The following ATP9A variants were observed in gnomAD, a reference collection of about 807,000 sequenced individuals.
ATP9A encodes the protein probable phospholipid-transporting ATPase IIA.
Under a neutral mutation model 144.1 loss-of-function variants are expected in ATP9A, and 52 were observed. That is an observed-to-expected ratio of 0.36 (90% CI 0.29 to 0.45). The LOEUF is 0.45. ATP9A is among the 20% of genes least tolerant of loss of function. ATP9A has a pLI of 1.00. For missense variants in ATP9A, 947 were observed against 1,392.7 expected (o/e 0.68, Z 5.09); for synonymous variants, 582 against 557.4 (o/e 1.04, Z -0.62).
At chr20:51,641,676 A>T (rs6126277) in intron 14 of ATP9A, among the ~76,000 whole-genome samples, 1 of 149,256 alleles carries the variant, frequency 6.7e-6, no homozygotes. Context: ...TAAAAAAAAT[A>T]AAAAATAAGC....
chr20:51,763,195 T>G (rs778947180), intron 1 of ATP9A, among the ~76,000 whole-genome samples: 1 of 151,760 alleles, frequency 6.6e-6, no homozygotes, highest in Non-Finnish European at 1.5e-5. Context: ...AGGGCAGGGA[T>G]GAATTGCAGA....
At chr20:51,646,098 G>C (rs2077341274) in intron 14 of ATP9A, among the ~76,000 whole-genome samples, 1 of 152,188 alleles carries the variant, frequency 6.6e-6, no homozygotes, top group South Asian at 2.1e-4. Flanking sequence ...TTCTCCTTTG[G>C]GTGACAAGAA....
In ATP9A at chr20:51,754,056, TATAAC is replaced by T. The variant is rs571936708; in HGVS notation, c.68+14241_68+14245del. ...GATTAGACTTTTTCACTGCTCCCCT[TATAAC>T]ATAAACTATTCAAGAAGAGAGTGCC... On this transcript the variant is annotated intron_variant, in intron 1 of 27. Coordinates refer to ENST00000338821, the MANE Select transcript of ATP9A (RefSeq NM_006045.3). Among the ~76,000 whole-genome samples, 161 of 151,910 alleles carry T rather than the reference TATAAC, an allele frequency of 1.1e-3. 1 individual carries two copies. The highest frequency in any genetic ancestry group is 1.5e-3 in the Non-Finnish European group (103 of 67,980).
At chr20:51,656,852 C>T in intron 14 of ATP9A, 86 bp downstream of exon 14, 1 of 1,280,510 alleles carries the variant, frequency 7.8e-7, no homozygotes, top group Non-Finnish European at 1.1e-6. Flanking sequence ...TGCCCTGACA[C>T]ATTGCTTCCT....
chr20:51,712,482 A>G (rs545786939), intron 4 of ATP9A, among the ~76,000 whole-genome samples: 74 of 152,250 alleles, frequency 4.9e-4, no homozygotes, highest in Non-Finnish European at 7.8e-4. Flanking sequence ...AATTTCCAGG[A>G]TTTATAAAAT....
intron 3 of ATP9A, among the ~76,000 whole-genome samples, chr20:51,722,816 G>A (rs559871921): frequency 9.9e-5 from 15 of 152,266 alleles, no homozygotes; most frequent in African/African-American, 3.6e-4. Flanking sequence ...AACTACCATT[G>A]ATCCACCAAT....
At position 51,756,439 on chromosome 20, in the gene ATP9A, C is replaced by T. The variant is rs533630724; in HGVS notation, c.68+11863G>A. Among the ~76,000 whole-genome samples, 10 of 152,140 alleles carry T rather than the reference C, an allele frequency of 6.6e-5. No individual in the cohort carries two copies. In the South Asian group the frequency reaches 1.2e-3, roughly 19 times the overall value. ...CCTAGTAGCTGAGATTACAGGTGCA[C>T]GCCACCACACCTGGCTAATTTTTGT... On this transcript the variant is annotated intron_variant, in intron 1 of 27. Coordinates refer to ENST00000338821, the MANE Select transcript of ATP9A (RefSeq NM_006045.3).
At position 51,702,958 on chromosome 20, in the gene ATP9A, C is replaced by A. The variant is rs115176754; in HGVS notation, c.437-5476G>T. ...AGAAAATGCCCTCCTAACAGGCCTC[C>A]GGCAGGCACACTTCCCAAGCGCTCC... On this transcript the variant is annotated intron_variant, in intron 4 of 27. Transcript: ENST00000338821. Among the ~76,000 whole-genome samples, 304 of 151,614 alleles carry A rather than the reference C, an allele frequency of 2.0e-3. 3 individuals carry two copies. The highest frequency in any genetic ancestry group is 6.9e-3 in the African/African-American group (285 of 41,322).
intron 4 of ATP9A, among the ~76,000 whole-genome samples, chr20:51,710,454 A>G (rs1378515201): frequency 1.3e-5 from 2 of 152,220 alleles, no homozygotes; most frequent in East Asian, 3.8e-4. Context: ...TCGACAGGAA[A>G]GTCAAAAAAG....
chr20:51,752,421 G>T (rs1319198392), intron 1 of ATP9A, among the ~76,000 whole-genome samples: 1 of 152,212 alleles, frequency 6.6e-6, no homozygotes, highest in Non-Finnish European at 1.5e-5. Flanking sequence ...TCTCTCGCAC[G>T]TGTTGACCAC....
At chr20:51,729,304 C>T (rs1032961057) in intron 2 of ATP9A, among the ~76,000 whole-genome samples, 1 of 152,148 alleles carries the variant, frequency 6.6e-6, no homozygotes, top group African/African-American at 2.4e-5. Context: ...GGGGTCACAG[C>T]CTTGCAGAGA....
At chr20:51,668,382 G>GC (rs1342918904) in intron 13 of ATP9A, among the ~76,000 whole-genome samples, 2 of 151,880 alleles carry the variant, frequency 1.3e-5, no homozygotes, top group Non-Finnish European at 2.9e-5. Context: ...ATCCTTATGA[G>GC]CCACATGCAG....
intron 1 of ATP9A, among the ~76,000 whole-genome samples, chr20:51,767,368 G>A (rs2077909524): frequency 6.6e-6 from 1 of 152,162 alleles, no homozygotes; most frequent in South Asian, 2.1e-4. Context: ...CGGGGGCCGG[G>A]AAATCTGCAT....
chr20:51,667,639 C>A (rs1043488387), intron 13 of ATP9A, among the ~76,000 whole-genome samples: 2 of 152,208 alleles, frequency 1.3e-5, no homozygotes, highest in African/African-American at 4.8e-5. Context: ...CTGATGGTAC[C>A]GAGAGGCTCC....
intron 3 of ATP9A, among the ~76,000 whole-genome samples, chr20:51,716,421 A>AC (rs947173268): frequency 2.2e-4 from 34 of 151,308 alleles, no homozygotes; most frequent in African/African-American, 7.8e-4. Context: ...ACATAGGGAG[A>AC]CCCCATCTTT....
At chr20:51,703,606 T>C (rs1021960376) in intron 4 of ATP9A, among the ~76,000 whole-genome samples, 3 of 152,280 alleles carry the variant, frequency 2.0e-5, no homozygotes, top group East Asian at 1.9e-4. Context: ...AGCAAACCTA[T>C]TGAGCCCAAA....
In ATP9A at chr20:51,729,973, C is replaced by A; in HGVS notation, c.74G>T (p.Cys25Phe). ...TCCACCGCAGCATCTCAGCCACTCG[C>A]AGCACCTGTGGGAAAGAAACCCACG... ...RMDSRPRAGC[C>F]EWLRCCGGGE... Residue 25 changes from cysteine (C) to phenylalanine (F), a missense_variant, in exon 2 of 28, where the codon TGC becomes TTC. Physicochemically the swap from Cys to Phe is radical, Grantham distance 205. Transcript: ENST00000338821. 1.3e-6 allele frequency: 2 copies of A among 1,541,208 alleles called. No homozygotes were observed. The highest frequency in any genetic ancestry group is 1.7e-6 in the Non-Finnish European group (2 of 1,149,370).
In ATP9A at chr20:51,639,466, G is replaced by C; in HGVS notation, c.1545C>G (p.Thr515=). 1 of 1,613,392 alleles carries C rather than the reference G, an allele frequency of 6.2e-7. No individual in the cohort carries two copies. Among genetic ancestry groups the C allele is most frequent in the Non-Finnish European group, 8.5e-7 (1 of 1,179,612 alleles). Residue 515 remains threonine (T), a synonymous_variant, in exon 15 of 28, where the codon ACC becomes ACG. Transcript: ENST00000338821. Reference sequence around the variant, plus strand: ...TGGAAGACTGGTCTCGGCCCACCAGGGTTAAGCCCACACTTTCCGTCCACT... The same window carrying C: ...TGGAAGACTGGTCTCGGCCCACCAGCGTTAAGCCCACACTTTCCGTCCACT... ...LVQWTESVGL[T]LVGRDQSSMQ...
At position 51,699,900 on chromosome 20, in the gene ATP9A, C is replaced by G. The variant is rs144001644; in HGVS notation, c.437-2418G>C. On this transcript the variant is annotated intron_variant, in intron 4 of 27. Coordinates refer to ENST00000338821, the MANE Select transcript of ATP9A (RefSeq NM_006045.3). The stretch of plus-strand genomic sequence containing the variant: ...TCGTGATCCACCCGCCTCGGCCTCC[C>G]AAAGTGCTGGGATTACAGGCATGAG... 1.0e-2 allele frequency among the ~76,000 whole-genome samples: 1,521 copies of G among 152,264 alleles called. 35 individuals carry two copies. The highest frequency in any genetic ancestry group is 0.034 in the African/African-American group (1,432 of 41,540).
Sources: gnomAD v4.1 joint callset for allele counts (sites outside exome capture counted in the v4.1 genomes callset) on GRCh38, gnomAD v4.1.1 for gene constraint, MANE v1.5 for transcripts, NCBI Gene and HGNC (gene_info 2026-07-23, HGNC 2026-07-21) for gene names.